The following CCSER1 variants were observed in gnomAD, a reference collection of about 807,000 sequenced individuals.
CCSER1 encodes the protein coiled-coil serine rich protein 1.
A neutral mutation model predicts 82.0 loss-of-function variants in CCSER1; 41 were observed. That is an observed-to-expected ratio of 0.50 (90% CI 0.39 to 0.65). CCSER1 has a LOEUF of 0.65. Among genes scored for constraint, CCSER1 ranks in the 30% least tolerant of loss-of-function variants. The pLI is 0.00. For missense variants in CCSER1, 1,119 were observed against 1,064.2 expected, an observed-to-expected ratio of 1.05 and a Z score of -0.72; for synonymous variants, 414 against 383.9, an observed-to-expected ratio of 1.08 and a Z score of -0.92.
intron 9 of CCSER1, among the ~76,000 whole-genome samples, chr4:91,031,619 A>C (rs955934120): frequency 6.6e-6 from 1 of 152,118 alleles, no homozygotes; most frequent in Non-Finnish European, 1.5e-5. Flanking sequence ...GCGCTTAAAA[A>C]TGTAGATCCA....
intron 3 of CCSER1, among the ~76,000 whole-genome samples, chr4:90,357,619 A>T (rs1372363199): frequency 2.6e-5 from 4 of 151,958 alleles, no homozygotes; most frequent in African/African-American, 4.8e-5. Context: ...TAGAATTTTC[A>T]CTTATAGGAA....
intron 5 of CCSER1, among the ~76,000 whole-genome samples, chr4:90,469,994 AG>A (rs1234850672): frequency 6.6e-6 from 1 of 152,200 alleles, no homozygotes; most frequent in African/African-American, 2.4e-5. Context: ...ACACTCAAAA[AG>A]TTTCAGATTT....
At chr4:90,582,683 T>C (rs1781534687) in intron 5 of CCSER1, among the ~76,000 whole-genome samples, 1 of 152,174 alleles carries the variant, frequency 6.6e-6, no homozygotes, top group Admixed American at 6.5e-5. Flanking sequence ...TTCTCTTAGC[T>C]ATGGACCACT....
intron 1 of CCSER1, among the ~76,000 whole-genome samples, chr4:90,181,167 A>G (rs774356373): frequency 2.6e-5 from 4 of 152,108 alleles, no homozygotes; most frequent in Non-Finnish European, 5.9e-5. Flanking sequence ...GGCACACACA[A>G]TTTACCCATG....
chr4:91,217,164 G>C (rs1247410610), intron 10 of CCSER1, among the ~76,000 whole-genome samples: 2 of 152,150 alleles, frequency 1.3e-5, no homozygotes, highest in African/African-American at 4.8e-5. Flanking sequence ...TAAAAGCAGC[G>C]TGGACCCAAA....
intron 10 of CCSER1, among the ~76,000 whole-genome samples, chr4:91,087,619 C>T (rs1292361762): frequency 6.6e-6 from 1 of 152,040 alleles, no homozygotes; most frequent in African/African-American, 2.4e-5. Context: ...GTATACATCT[C>T]CATAGAAGGG....
At chr4:90,613,903 A>T (rs1720718206) in intron 5 of CCSER1, among the ~76,000 whole-genome samples, 1 of 152,196 alleles carries the variant, frequency 6.6e-6, no homozygotes, top group African/African-American at 2.4e-5. Flanking sequence ...TGCTCCTGTA[A>T]CATCTCCATT....
intron 4 of CCSER1, among the ~76,000 whole-genome samples, chr4:90,437,802 A>G (rs1759250576): frequency 6.6e-6 from 1 of 152,190 alleles, no homozygotes; most frequent in Admixed American, 6.5e-5. Context: ...CATAATTACT[A>G]GAAATGAAAT....
chr4:90,807,444 GA>G (rs1157047104), intron 7 of CCSER1, among the ~76,000 whole-genome samples: 2 of 152,040 alleles, frequency 1.3e-5, no homozygotes, highest in African/African-American at 4.8e-5. Flanking sequence ...GTCAGCAAAT[GA>G]AAAGATATAT....
intron 5 of CCSER1, among the ~76,000 whole-genome samples, chr4:90,477,738 C>G (rs1765311822): frequency 6.6e-6 from 1 of 151,356 alleles, no homozygotes; most frequent in Non-Finnish European, 1.5e-5. Context: ...AGTAGGTACT[C>G]AAAAAATACC....
chr4:91,013,246 T>C (rs1477866937), intron 9 of CCSER1, among the ~76,000 whole-genome samples: 1 of 134,134 alleles, frequency 7.5e-6, no homozygotes, highest in Non-Finnish European at 1.7e-5. Flanking sequence ...TTTTTATGTA[T>C]CGTGTTAAGA....
chr4:90,396,597 T>TC (rs1417162134), intron 3 of CCSER1, among the ~76,000 whole-genome samples: 2 of 152,138 alleles, frequency 1.3e-5, no homozygotes, highest in Non-Finnish European at 2.9e-5. Flanking sequence ...AAGCTAACCT[T>TC]CAACAGTCTC....
At chr4:90,917,677 CA>C (rs1208144923) in intron 8 of CCSER1, among the ~76,000 whole-genome samples, 1 of 151,532 alleles carries the variant, frequency 6.6e-6, no homozygotes, top group African/African-American at 2.4e-5. Flanking sequence ...TAAAAAAGAT[CA>C]AAAAAATTAC....
intron 10 of CCSER1, among the ~76,000 whole-genome samples, chr4:91,272,995 TG>T (rs1317465233): frequency 2.0e-5 from 3 of 152,218 alleles, no homozygotes; most frequent in Non-Finnish European, 4.4e-5. Context: ...TTGGTGACTA[TG>T]GCCTTATAGT....
At chr4:90,730,373 G>A (rs1744479271) in intron 7 of CCSER1, among the ~76,000 whole-genome samples, 1 of 152,056 alleles carries the variant, frequency 6.6e-6, no homozygotes, top group African/African-American at 2.4e-5. Flanking sequence ...GCCCATTATG[G>A]TATATTTCTG....
At chr4:91,259,107 A>T (rs904069942) in intron 10 of CCSER1, among the ~76,000 whole-genome samples, 5 of 152,182 alleles carry the variant, frequency 3.3e-5, no homozygotes, top group African/African-American at 1.2e-4. Context: ...AAACATAAGG[A>T]TAATTGAAAA....
At chr4:90,395,190 TG>T (rs1377668321) in intron 3 of CCSER1, among the ~76,000 whole-genome samples, 1 of 152,224 alleles carries the variant, frequency 6.6e-6, no homozygotes, top group Non-Finnish European at 1.5e-5. Flanking sequence ...GTTCTGTGCG[TG>T]ACTTACTTCA....
chr4:90,670,246 C>T (rs1157838301), intron 6 of CCSER1, among the ~76,000 whole-genome samples: 2 of 151,986 alleles, frequency 1.3e-5, no homozygotes, highest in African/African-American at 4.8e-5. Flanking sequence ...CTCACTCATA[C>T]GTTGTATCTC....
At chr4:90,210,734 C>G (rs558310254) in intron 1 of CCSER1, among the ~76,000 whole-genome samples, 1 of 152,106 alleles carries the variant, frequency 6.6e-6, no homozygotes, top group Non-Finnish European at 1.5e-5. Flanking sequence ...CATGAACTAC[C>G]GTGCCTGGCC....
Sources: allele counts gnomAD v4.1 joint callset (sites outside exome capture counted in the v4.1 genomes callset), GRCh38; gene constraint gnomAD v4.1.1; transcripts MANE v1.5; gene names NCBI Gene and HGNC (gene_info 2026-07-23, HGNC 2026-07-21).